The following CSTPP1 variants were observed in gnomAD, a reference collection of about 807,000 sequenced individuals.
CSTPP1 encodes the protein UPF0705 protein C11orf49.
At chr11:47,044,731 G>A in the CSTPP1 span, among the ~76,000 whole-genome samples, 7 of 152,122 alleles carry the variant, frequency 4.6e-5, no homozygotes, top group Admixed American at 3.9e-4. Flanking sequence ...GCAACATAGC[G>A]AGCTCCCATC....
the CSTPP1 span, among the ~76,000 whole-genome samples, chr11:47,148,854 G>A: frequency 6.6e-6 from 1 of 152,200 alleles, no homozygotes; most frequent in African/African-American, 2.4e-5. Context: ...TGGCCAGTGA[G>A]TAGTGGAACT....
At chr11:47,161,192 T>G in the CSTPP1 span, 1 of 1,613,536 alleles carries the variant, frequency 6.2e-7, no homozygotes, top group South Asian at 1.1e-5. Context: ...GGAACGGCTG[T>G]AAGTGTCAAG....
the CSTPP1 span, among the ~76,000 whole-genome samples, chr11:46,988,251 TA>T: frequency 6.6e-6 from 1 of 152,136 alleles, no homozygotes; most frequent in Non-Finnish European, 1.5e-5. Context: ...ATCGAATAAA[TA>T]TCAGTACTCC....
the CSTPP1 span, chr11:47,155,141 C>T: frequency 1.3e-6 from 2 of 1,546,464 alleles, no homozygotes; most frequent in Non-Finnish European, 1.8e-6. Context: ...ACCTCTCCCC[C>T]ATTCTCTCTC....
At chr11:47,055,996 CT>C in the CSTPP1 span, among the ~76,000 whole-genome samples, 1 of 152,190 alleles carries the variant, frequency 6.6e-6, no homozygotes, top group African/African-American at 2.4e-5. Context: ...CAGAGGTTAT[CT>C]TTCCCAGTCC....
At chr11:46,975,578 G>A in the CSTPP1 span, among the ~76,000 whole-genome samples, 1 of 152,146 alleles carries the variant, frequency 6.6e-6, no homozygotes, top group Non-Finnish European at 1.5e-5. Context: ...CTTTGGAAAT[G>A]AAAATATTCA....
chr11:47,151,305 C>T, the CSTPP1 span, among the ~76,000 whole-genome samples: 6 of 151,330 alleles, frequency 4.0e-5, no homozygotes, highest in Non-Finnish European at 7.4e-5. Context: ...CAGTACTACT[C>T]GGGAGGCTGA....
At chr11:47,025,671 T>G in the CSTPP1 span, among the ~76,000 whole-genome samples, 1 of 152,158 alleles carries the variant, frequency 6.6e-6, no homozygotes, top group Non-Finnish European at 1.5e-5. Flanking sequence ...ATAAAAATAG[T>G]GTTTAGTTTT....
the CSTPP1 span, among the ~76,000 whole-genome samples, chr11:47,125,107 C>T: frequency 2.6e-5 from 4 of 152,198 alleles, no homozygotes; most frequent in Non-Finnish European, 5.9e-5. Flanking sequence ...CTTCCCGATA[C>T]ATATCCATAT....
the CSTPP1 span, chr11:47,163,965 C>A: frequency 8.9e-7 from 1 of 1,121,796 alleles, no homozygotes; most frequent in Non-Finnish European, 1.3e-6. Flanking sequence ...TCTTAAACTC[C>A]ACTGAAACCC....
At chr11:46,936,884 G>A in the CSTPP1 span, 1 of 1,539,828 alleles carries the variant, frequency 6.5e-7, no homozygotes. Flanking sequence ...GGGAGGGAAA[G>A]ACGTGCAGAC....
chr11:46,974,496 C>T, the CSTPP1 span, among the ~76,000 whole-genome samples: 23 of 141,214 alleles, frequency 1.6e-4, no homozygotes, highest in Admixed American at 1.4e-3. Context: ...CATTGCACTC[C>T]AGCCTGGGCA....
the CSTPP1 span, among the ~76,000 whole-genome samples, chr11:47,035,720 G>A: frequency 6.6e-6 from 1 of 152,070 alleles, no homozygotes; most frequent in Admixed American, 6.6e-5. Flanking sequence ...TGTAGTAAAT[G>A]ATAAAATGGA....
chr11:46,992,948 T>C, the CSTPP1 span, among the ~76,000 whole-genome samples: 1 of 146,252 alleles, frequency 6.8e-6, no homozygotes, highest in Non-Finnish European at 1.5e-5. Flanking sequence ...TGTGAAATGG[T>C]ATCTCATTGT....
the CSTPP1 span, among the ~76,000 whole-genome samples, chr11:46,976,491 T>C: frequency 1.3e-5 from 2 of 152,084 alleles, no homozygotes; most frequent in South Asian, 4.1e-4. Flanking sequence ...GTTTTGGGTT[T>C]TGGCTTGCTA....
At chr11:47,047,033 T>TA in the CSTPP1 span, among the ~76,000 whole-genome samples, 1 of 151,810 alleles carries the variant, frequency 6.6e-6, no homozygotes, top group Non-Finnish European at 1.5e-5. Context: ...CCAGAAAAGC[T>TA]GGGATTACAG....
At chr11:47,063,475 G>C in the CSTPP1 span, among the ~76,000 whole-genome samples, 1 of 151,956 alleles carries the variant, frequency 6.6e-6, no homozygotes, top group Non-Finnish European at 1.5e-5. Flanking sequence ...ATTAAACAAT[G>C]ACTCCCATTT....
the CSTPP1 span, among the ~76,000 whole-genome samples, chr11:46,950,524 T>A: frequency 6.6e-6 from 1 of 152,036 alleles, no homozygotes; most frequent in African/African-American, 2.4e-5. Flanking sequence ...ATGTCTCATA[T>A]ATATATTTTT....
At chr11:47,020,629 G>A in the CSTPP1 span, among the ~76,000 whole-genome samples, 1 of 152,094 alleles carries the variant, frequency 6.6e-6, no homozygotes, top group African/African-American at 2.4e-5. Context: ...TTTTTGCTTA[G>A]GAATTTGGGG....
Sources: gnomAD v4.1 joint callset for allele counts (sites outside exome capture counted in the v4.1 genomes callset) on GRCh38, gnomAD v4.1.1 for gene constraint, MANE v1.5 for transcripts, NCBI Gene and HGNC (gene_info 2026-07-23, HGNC 2026-07-21) for gene names.